Variants in GALNTL6 observed in about 807,000 individuals in gnomAD.
GALNTL6 encodes polypeptide N-acetylgalactosaminyltransferase like 6, also known as polypeptide N-acetylgalactosaminyltransferase-like 6.
Under a neutral mutation model 73.7 loss-of-function variants are expected in GALNTL6, and 46 were observed. The ratio of observed to expected loss-of-function variants is 0.62; its 90% CI spans 0.49 to 0.80. The LOEUF (loss-of-function observed/expected upper bound fraction) is 0.80, where lower values mean the gene tolerates loss of function less well. Among genes scored for constraint, GALNTL6 ranks in the 30% least tolerant of loss-of-function variants. The pLI is 0.00. For missense variants in GALNTL6, 604 were observed against 755.0 expected (o/e 0.80, Z 2.34); for synonymous variants, 259 against 263.7 (o/e 0.98, Z 0.17).
At chr4:172,458,492 G>T (rs886146015) in intron 5 of GALNTL6, among the ~76,000 whole-genome samples, 5 of 151,804 alleles carry the variant, frequency 3.3e-5, no homozygotes, top group African/African-American at 1.2e-4. Flanking sequence ...AATAAAGAAG[G>T]TAAGAGAGAT....
chr4:172,267,214 T>C (rs1208349892), intron 3 of GALNTL6, among the ~76,000 whole-genome samples: 1 of 152,120 alleles, frequency 6.6e-6, no homozygotes, highest in Admixed American at 6.6e-5. Context: ...TTACAAATGC[T>C]ATAACAGAGC....
chr4:172,432,516 A>G (rs977757640), intron 5 of GALNTL6, among the ~76,000 whole-genome samples: 2 of 152,066 alleles, frequency 1.3e-5, no homozygotes, highest in Non-Finnish European at 2.9e-5. Context: ...GAGAAATTTA[A>G]ATAATTTAAG....
intron 2 of GALNTL6, among the ~76,000 whole-genome samples, chr4:171,920,018 C>CA: frequency 6.6e-6 from 1 of 152,206 alleles, no homozygotes; most frequent in African/African-American, 2.4e-5. Context: ...AAATGTCTAA[C>CA]AATGATAGAC....
At chr4:172,793,932 G>T (rs1037582223) in intron 5 of GALNTL6, among the ~76,000 whole-genome samples, 1 of 149,188 alleles carries the variant, frequency 6.7e-6, no homozygotes, top group Non-Finnish European at 1.5e-5. Flanking sequence ...ATATGTGCAT[G>T]TGTGTGTATG....
chr4:172,338,546 ACTTCT>A (rs1741429438), intron 4 of GALNTL6, among the ~76,000 whole-genome samples: 1 of 151,610 alleles, frequency 6.6e-6, no homozygotes, highest in Non-Finnish European at 1.5e-5. Context: ...TCTTCACCCA[ACTTCT>A]GTTGGGTGGT....
At chr4:171,853,357 C>T (rs969277155) in intron 2 of GALNTL6, among the ~76,000 whole-genome samples, 4 of 151,936 alleles carry the variant, frequency 2.6e-5, no homozygotes, top group African/African-American at 9.7e-5. Flanking sequence ...CCTTCCTCCC[C>T]TTCTTTCCCC....
intron 5 of GALNTL6, among the ~76,000 whole-genome samples, chr4:172,466,095 G>A (rs1475239013): frequency 6.6e-6 from 1 of 152,110 alleles, no homozygotes; most frequent in Admixed American, 6.6e-5. Context: ...ATAACTTTTA[G>A]TAACATTTTG....
chr4:172,792,047 G>A (rs1375664294), intron 5 of GALNTL6, among the ~76,000 whole-genome samples: 1 of 152,210 alleles, frequency 6.6e-6, no homozygotes, highest in Admixed American at 6.5e-5. Context: ...TGGTTTGGCT[G>A]TTCCATGTGG....
chr4:172,286,036 G>A (rs1739233822), intron 3 of GALNTL6, among the ~76,000 whole-genome samples: 1 of 152,190 alleles, frequency 6.6e-6, no homozygotes, highest in South Asian at 2.1e-4. Context: ...TGAGTCGAAA[G>A]CATTGGAACC....
intron 4 of GALNTL6, among the ~76,000 whole-genome samples, chr4:172,325,392 C>G (rs1033902620): frequency 6.6e-6 from 1 of 152,068 alleles, no homozygotes; most frequent in East Asian, 1.9e-4. Context: ...ACATGCTTCT[C>G]TCATTCTCAT....
At chr4:172,370,582 G>C (rs900783189) in intron 5 of GALNTL6, among the ~76,000 whole-genome samples, 8 of 130,244 alleles carry the variant, frequency 6.1e-5, no homozygotes, top group Non-Finnish European at 9.2e-5. Context: ...AGTGAGTCGA[G>C]ATCACGCCAC....
At chr4:172,312,585 A>C (rs1740400398) in intron 4 of GALNTL6, among the ~76,000 whole-genome samples, 1 of 152,164 alleles carries the variant, frequency 6.6e-6, no homozygotes, top group Non-Finnish European at 1.5e-5. Context: ...TTCCCTATGG[A>C]AACCCTGGTG....
At chr4:172,539,898 TATATATATAA>T (rs1181245268) in intron 5 of GALNTL6, among the ~76,000 whole-genome samples, 38 of 138,804 alleles carry the variant, frequency 2.7e-4, no homozygotes, top group African/African-American at 9.5e-4. Flanking sequence ...TATATATATA[TATATATATAA>T]AAAATCTCAT....
chr4:172,623,001 T>C lies in GALNTL6; in HGVS notation c.554-186360T>C, dbSNP rs967806702. ...TCACTAAGAGATTTAAGTTAGAGCATGATAATGATGTAAACACTAAGGGCT... is the reference window on the plus strand; with the variant it reads ...TCACTAAGAGATTTAAGTTAGAGCACGATAATGATGTAAACACTAAGGGCT... On this transcript the variant is annotated intron_variant, in intron 5 of 12. Transcript: ENST00000506823. Among the ~76,000 whole-genome samples, 6 of 152,246 alleles carry C rather than the reference T, an allele frequency of 3.9e-5. No homozygotes were observed. In the South Asian group the frequency reaches 6.2e-4, roughly 16 times the overall value.
intron 7 of GALNTL6, among the ~76,000 whole-genome samples, chr4:172,829,397 G>T (rs1742498698): frequency 6.6e-6 from 1 of 152,138 alleles, no homozygotes. Context: ...CCATCCTTTG[G>T]CACCTCATTG....
At chr4:172,067,066 A>G (rs1427072206) in intron 2 of GALNTL6, among the ~76,000 whole-genome samples, 2 of 151,884 alleles carry the variant, frequency 1.3e-5, no homozygotes, top group East Asian at 2.0e-4. Flanking sequence ...CACTTTCACC[A>G]TGGTTCTTAT....
At chr4:172,052,218 G>A (rs1015268395) in intron 2 of GALNTL6, among the ~76,000 whole-genome samples, 3 of 152,116 alleles carry the variant, frequency 2.0e-5, no homozygotes, top group African/African-American at 7.2e-5. Context: ...CTTATATCCC[G>A]GTCATGGAAA....
chr4:172,357,859 C>T (rs928935353), intron 5 of GALNTL6, among the ~76,000 whole-genome samples: 9 of 152,026 alleles, frequency 5.9e-5, no homozygotes, highest in African/African-American at 2.2e-4. Context: ...ACAGCTTCGA[C>T]TTTTACATAT....
chr4:172,600,093 T>A (rs911526199), intron 5 of GALNTL6, among the ~76,000 whole-genome samples: 3 of 152,094 alleles, frequency 2.0e-5, no homozygotes, highest in Non-Finnish European at 4.4e-5. Flanking sequence ...ATTTGACCAG[T>A]GTAGGATTCG....
Sources: gnomAD v4.1 joint callset for allele counts (sites outside exome capture counted in the v4.1 genomes callset) on GRCh38, gnomAD v4.1.1 for gene constraint, MANE v1.5 for transcripts, NCBI Gene and HGNC (gene_info 2026-07-23, HGNC 2026-07-21) for gene names.